The following NAALADL2 variants were observed in gnomAD, a reference collection of about 807,000 sequenced individuals.
The protein encoded by NAALADL2 is inactive N-acetylated-alpha-linked acidic dipeptidase-like protein 2.
In NAALADL2, 76 loss-of-function variants were observed where a neutral mutation model predicts 87.2. The ratio of observed to expected loss-of-function variants is 0.87; its 90% CI spans 0.72 to 1.05. The LOEUF is 1.05. NAALADL2 is among the 50% of genes least tolerant of loss of function. The pLI is 0.00. For missense variants in NAALADL2, 1,089 were observed against 945.8 expected (o/e 1.15, Z -1.99); for synonymous variants, 354 against 331.0 (o/e 1.07, Z -0.75).
At chr3:174,501,091 T>TAATGCTGGCCACATAGAATG (rs1718853060) in intron 1 of NAALADL2, among the ~76,000 whole-genome samples, 12 of 147,488 alleles carry the variant, frequency 8.1e-5, no homozygotes, top group African/African-American at 2.9e-4. Flanking sequence ...TTTTTTTTTT[T>TAATGCTGGCCACATAGAATG]TTTTTGAGAC....
intron 1 of NAALADL2, among the ~76,000 whole-genome samples, chr3:175,089,827 C>A (rs77413076): frequency 0.02 from 3,091 of 152,262 alleles, 52 homozygotes; most frequent in Admixed American, 0.031. Context: ...TGAGATCAGG[C>A]AAATGCTGAT....
chr3:174,999,682 T>C (rs1334156662), intron 1 of NAALADL2, among the ~76,000 whole-genome samples: 2 of 152,206 alleles, frequency 1.3e-5, no homozygotes, highest in Non-Finnish European at 2.9e-5. Context: ...ACCTGATAAG[T>C]AGTTGCAGTA....
intron 3 of NAALADL2, among the ~76,000 whole-genome samples, chr3:174,765,085 C>G (rs996542044): frequency 1.3e-5 from 2 of 151,028 alleles, no homozygotes; most frequent in African/African-American, 4.9e-5. Flanking sequence ...AGTGATTTCA[C>G]TTAGACTGGA....
At chr3:175,317,088 A>G (rs1442747266) in intron 4 of NAALADL2, among the ~76,000 whole-genome samples, 2 of 152,122 alleles carry the variant, frequency 1.3e-5, no homozygotes, top group African/African-American at 4.8e-5. Context: ...CAAAAATAGT[A>G]TATGATTACA....
intron 11 of NAALADL2, among the ~76,000 whole-genome samples, chr3:175,706,419 A>C (rs751405535): frequency 2.0e-5 from 3 of 152,184 alleles, no homozygotes; most frequent in Non-Finnish European, 4.4e-5. Context: ...TAAATAGAGC[A>C]ATTCTAACAA....
rs571191608 is a variant in NAALADL2, at chr3:175,698,461, G to T, written c.1897-38845G>T. Among the ~76,000 whole-genome samples the T allele has an allele frequency of 2.7e-4, 32 of 120,456 alleles. 5 individuals are homozygous for T. The highest frequency in any genetic ancestry group is 1.0e-3 in the African/African-American group (26 of 25,462). The allele number at this position is 120,456 out of a possible 152,430, so 79.0% of individuals were successfully genotyped here. A position where few individuals can be genotyped will look rare whatever the true frequency, so the allele number is the denominator to read the frequency against. On this transcript the variant is annotated intron_variant, in intron 11 of 13. Coordinates refer to ENST00000454872, the MANE Select transcript of NAALADL2 (RefSeq NM_207015.3). ...TATTTATGTATGTATACATATATGT[G>T]TATATATGTGTGTATATATATTTAT...
intron 1 of NAALADL2, among the ~76,000 whole-genome samples, chr3:175,077,242 G>T (rs1414237230): frequency 6.6e-6 from 1 of 152,102 alleles, no homozygotes; most frequent in Non-Finnish European, 1.5e-5. Context: ...AATATTTCAA[G>T]CTTTAAATGT....
intron 2 of NAALADL2, among the ~76,000 whole-genome samples, chr3:174,717,621 A>G (rs1182224116): frequency 6.6e-6 from 1 of 152,132 alleles, no homozygotes; most frequent in East Asian, 1.9e-4. Context: ...CAGTATAGTA[A>G]TTACATTTTA....
intron 5 of NAALADL2, among the ~76,000 whole-genome samples, chr3:175,437,866 C>G (rs1227956755): frequency 6.6e-6 from 1 of 151,730 alleles, no homozygotes; most frequent in African/African-American, 2.4e-5. Flanking sequence ...TATTGCTTTC[C>G]ACTCCCTTTA....
intron 3 of NAALADL2, among the ~76,000 whole-genome samples, chr3:174,761,393 A>G (rs1035850107): frequency 3.3e-5 from 5 of 152,232 alleles, no homozygotes; most frequent in African/African-American, 1.2e-4. Context: ...AGTGTAAAAT[A>G]AAATATAATT....
intron 3 of NAALADL2, among the ~76,000 whole-genome samples, chr3:174,804,601 G>A (rs1719238519): frequency 1.3e-5 from 2 of 152,064 alleles, no homozygotes; most frequent in Non-Finnish European, 2.9e-5. Flanking sequence ...CTGGCTGTGG[G>A]TTTGTCATAA....
At position 175,555,370 on chromosome 3, in the gene NAALADL2, A is replaced by G. The variant is rs74635406; in HGVS notation, c.1654-20671A>G. 4.5e-3 allele frequency among the ~76,000 whole-genome samples: 689 copies of G among 152,264 alleles called. 10 individuals are homozygous for G. Among genetic ancestry groups the G allele is most frequent in the African/African-American group, 0.016 (647 of 41,564 alleles). On this transcript the variant is annotated intron_variant, in intron 9 of 13. Coordinates refer to ENST00000454872, the MANE Select transcript of NAALADL2 (RefSeq NM_207015.3). ...TAGCAGTGAGTACATTTATTGCATT[A>G]TTTACTAACCTCTTTGCTATTGCCA...
intron 1 of NAALADL2, among the ~76,000 whole-genome samples, chr3:175,040,671 A>G (rs1753963575): frequency 6.6e-6 from 1 of 152,194 alleles, no homozygotes; most frequent in Non-Finnish European, 1.5e-5. Context: ...GGCTCAATTG[A>G]GATAATAAAT....
intron 11 of NAALADL2, among the ~76,000 whole-genome samples, chr3:175,666,218 A>G (rs16826096): frequency 0.036 from 5,485 of 152,156 alleles, 350 homozygotes; most frequent in African/African-American, 0.13. Flanking sequence ...GAATTTCAGA[A>G]CTGAAGTAAA....
chr3:174,898,176 A>G (rs1731846103), intron 1 of NAALADL2, among the ~76,000 whole-genome samples: 1 of 149,306 alleles, frequency 6.7e-6, no homozygotes, highest in Non-Finnish European at 1.5e-5. Flanking sequence ...CATTTGCAAT[A>G]ACATGGGCAG....
intron 3 of NAALADL2, among the ~76,000 whole-genome samples, chr3:174,783,006 C>T (rs965428885): frequency 5.1e-4 from 77 of 152,180 alleles, no homozygotes; most frequent in African/African-American, 1.4e-3. Context: ...AGGTACTTGG[C>T]GTCTCTTGGC....
chr3:175,747,700 A>T (rs1164473075), intron 12 of NAALADL2, among the ~76,000 whole-genome samples: 1 of 151,782 alleles, frequency 6.6e-6, no homozygotes, highest in Non-Finnish European at 1.5e-5. Context: ...CACATGTGAT[A>T]TTAAATATAC....
chr3:175,473,117 G>A (rs931932105), intron 9 of NAALADL2, among the ~76,000 whole-genome samples: 5 of 152,160 alleles, frequency 3.3e-5, no homozygotes, highest in African/African-American at 1.2e-4. Context: ...TTATTAAGAA[G>A]TATTAAATCT....
intron 2 of NAALADL2, among the ~76,000 whole-genome samples, chr3:174,622,110 A>T (rs916089838): frequency 1.3e-5 from 2 of 152,078 alleles, no homozygotes; most frequent in African/African-American, 4.8e-5. Context: ...ATATTTAATA[A>T]TTTGCTGCTG....
Sources: gnomAD v4.1 joint callset for allele counts (sites outside exome capture counted in the v4.1 genomes callset) on GRCh38, gnomAD v4.1.1 for gene constraint, MANE v1.5 for transcripts, NCBI Gene and HGNC (gene_info 2026-07-23, HGNC 2026-07-21) for gene names.